CTDSPL2: variants seen among roughly 807,000 people sequenced by gnomAD.
The protein encoded by CTDSPL2 is CTD small phosphatase-like protein 2.
A neutral mutation model predicts 60.0 loss-of-function variants in CTDSPL2; 5 were observed. The ratio of observed to expected loss-of-function variants is 0.08; its 90% CI spans 0.04 to 0.18. CTDSPL2 has a LOEUF of 0.18. Among genes scored for constraint, CTDSPL2 ranks in the 10% least tolerant of loss-of-function variants. The pLI is 1.00. For synonymous variants in CTDSPL2, 186 were observed against 189.3 expected, an observed-to-expected ratio of 0.98 and a Z score of 0.14; for missense variants, 370 against 548.8, an observed-to-expected ratio of 0.67 and a Z score of 3.26.
chr15:44,439,621 A>G (rs1312166512), intron 1 of CTDSPL2, among the ~76,000 whole-genome samples: 1 of 151,412 alleles, frequency 6.6e-6, no homozygotes, highest in South Asian at 2.1e-4. Flanking sequence ...TTTCTGGATT[A>G]TGGAGCATTT....
At chr15:44,490,599 G>A (rs2081197247) in intron 4 of CTDSPL2, among the ~76,000 whole-genome samples, 185 bp from the exon 5 acceptor site, 1 of 152,148 alleles carries the variant, frequency 6.6e-6, no homozygotes, top group South Asian at 2.1e-4. Flanking sequence ...TGTTACTCTA[G>A]CCTGTAAGTC....
intron 3 of CTDSPL2, among the ~76,000 whole-genome samples, chr15:44,486,083 C>T (rs2081113490): frequency 6.6e-6 from 1 of 152,122 alleles, no homozygotes; most frequent in African/African-American, 2.4e-5. Flanking sequence ...TATATATAGC[C>T]TTTTGCTTCA....
intron 4 of CTDSPL2, among the ~76,000 whole-genome samples, chr15:44,486,982 G>C (rs993781127): frequency 6.6e-6 from 1 of 152,004 alleles, no homozygotes; most frequent in Non-Finnish European, 1.5e-5. Flanking sequence ...GACCAGGCTG[G>C]TCTCAAACTC....
At chr15:44,511,867 CAAAAAAA>C (rs68063380) in intron 8 of CTDSPL2, among the ~76,000 whole-genome samples, 129 of 30,616 alleles carry the variant, frequency 4.2e-3, no homozygotes, top group South Asian at 0.015. Context: ...GACGGTCTCG[CAAAAAAA>C]AAAAAAAAAA....
intron 10 of CTDSPL2, chr15:44,516,796 A>T (rs1452730821): frequency 6.6e-6 from 1 of 152,178 alleles, no homozygotes; most frequent in Non-Finnish European, 1.5e-5. Context: ...CATTTGTTCT[A>T]TCTAGATGTA....
intron 5 of CTDSPL2, 123 bp from the exon 6 acceptor site, chr15:44,496,257 C>T (rs1462584935): frequency 1.5e-6 from 1 of 647,130 alleles, no homozygotes; most frequent in Non-Finnish European, 2.6e-6. Context: ...TAGGTGTTTA[C>T]AAGTTATTTC....
At chr15:44,490,021 G>A (rs2081189584) in intron 4 of CTDSPL2, among the ~76,000 whole-genome samples, 1 of 152,184 alleles carries the variant, frequency 6.6e-6, no homozygotes, top group Admixed American at 6.5e-5. Flanking sequence ...CAACAAGGGA[G>A]AAGGAATGTT....
At chr15:44,449,792 A>G (rs1222611247) in intron 1 of CTDSPL2, among the ~76,000 whole-genome samples, 2 of 149,216 alleles carry the variant, frequency 1.3e-5, no homozygotes, top group Non-Finnish European at 3.0e-5. Context: ...GGAGTTCAAG[A>G]CCAGCCTGGC....
chr15:44,500,609 A>G (rs1347783052), intron 8 of CTDSPL2, among the ~76,000 whole-genome samples: 1 of 152,196 alleles, frequency 6.6e-6, no homozygotes, highest in Non-Finnish European at 1.5e-5. Flanking sequence ...CTAAAGATTA[A>G]CTTAGTAAAG....
At chr15:44,438,911 G>A (rs2080027656) in intron 1 of CTDSPL2, among the ~76,000 whole-genome samples, 1 of 152,092 alleles carries the variant, frequency 6.6e-6, no homozygotes, top group South Asian at 2.1e-4. Flanking sequence ...TTAACTTTTT[G>A]TATTCCTGAA....
At chr15:44,499,460 G>C (rs2081353737) in intron 7 of CTDSPL2, among the ~76,000 whole-genome samples, 1 of 152,122 alleles carries the variant, frequency 6.6e-6, no homozygotes, top group South Asian at 2.1e-4. Flanking sequence ...CTGAGTTTCT[G>C]ATCATCAGAA....
intron 2 of CTDSPL2, among the ~76,000 whole-genome samples, chr15:44,468,109 C>T (rs552823932): frequency 1.4e-4 from 21 of 152,028 alleles, no homozygotes; most frequent in East Asian, 9.6e-4. Context: ...AGCTTGTGTT[C>T]GATTGGTGTT....
rs1221127112 is a variant in CTDSPL2 at position 44,450,633 on chromosome 15, G to A, written c.-24-8358G>A. The stretch of plus-strand genomic sequence containing the variant: ...TTTTTTTGAGACTGAGTCTCACTTT[G>A]TCACGCAGATTGGAGTATAGCGGTG... On this transcript the variant is annotated intron_variant, in intron 1 of 12. Coordinates refer to ENST00000260327, the MANE Select transcript of CTDSPL2 (RefSeq NM_016396.3). Among the ~76,000 whole-genome samples the A allele has an allele frequency of 4.4e-5, 4 of 90,114 alleles. No homozygotes were observed. In the Admixed American group the frequency reaches 7.2e-4, roughly 16 times the overall value. 59.1% of individuals were successfully genotyped at this position (90,114 alleles called of 152,430 possible).
intron 5 of CTDSPL2, among the ~76,000 whole-genome samples, chr15:44,493,642 C>CA (rs1403179705): frequency 2.0e-5 from 3 of 151,838 alleles, no homozygotes; most frequent in Admixed American, 6.6e-5. Context: ...AAAACAACAA[C>CA]AAAAAAATTA....
At chr15:44,459,230 A>G (rs781410681) in intron 2 of CTDSPL2, 30 bp downstream of exon 2, 1 of 1,529,286 alleles carries the variant, frequency 6.5e-7, no homozygotes, top group Non-Finnish European at 8.8e-7. Flanking sequence ...CTTTCATATC[A>G]TTAAAAGTGA....
intron 10 of CTDSPL2, among the ~76,000 whole-genome samples, chr15:44,515,877 A>T (rs2081642681): frequency 6.6e-6 from 1 of 152,104 alleles, no homozygotes; most frequent in African/African-American, 2.4e-5. Flanking sequence ...CCATCTCAAA[A>T]AAAAAGACTT....
At chr15:44,469,441 A>C (rs2080761318) in intron 2 of CTDSPL2, among the ~76,000 whole-genome samples, 1 of 151,810 alleles carries the variant, frequency 6.6e-6, no homozygotes, top group Non-Finnish European at 1.5e-5. Flanking sequence ...TTTTTTTTCT[A>C]ATGTAGGTAT....
At chr15:44,455,995 C>T (rs1037326182) in intron 1 of CTDSPL2, among the ~76,000 whole-genome samples, 5 of 151,060 alleles carry the variant, frequency 3.3e-5, no homozygotes, top group African/African-American at 9.7e-5. Context: ...GGACTACAGG[C>T]GCCCGCCACC....
chr15:44,449,204 C>T lies in CTDSPL2; in HGVS notation c.-24-9787C>T. The stretch of plus-strand genomic sequence containing the variant: ...CACCAGTGGTAGCCATCACGTTTTG[C>T]ATTGCTCTCCTGGCATGTTCACTAT... On this transcript the variant is annotated intron_variant, in intron 1 of 12. Coordinates refer to ENST00000260327, the MANE Select transcript of CTDSPL2 (RefSeq NM_016396.3). 2 of 287,744 alleles carry T rather than the reference C, an allele frequency of 7.0e-6. 1 individual carries two copies. The highest frequency in any genetic ancestry group is 8.7e-5 in the South Asian group (2 of 23,048). 17.8% of individuals were successfully genotyped at this position (287,744 alleles called of 1,614,324 possible). A position where few individuals can be genotyped will look rare whatever the true frequency, so the allele number is the denominator to read the frequency against.
Sources: gnomAD v4.1 joint callset for allele counts (sites outside exome capture counted in the v4.1 genomes callset) on GRCh38, gnomAD v4.1.1 for gene constraint, MANE v1.5 for transcripts, NCBI Gene and HGNC (gene_info 2026-07-23, HGNC 2026-07-21) for gene names.